Variants in PRSS3 observed in about 807,000 individuals in gnomAD.
PRSS3 encodes the protein trypsin-3.
A neutral mutation model predicts 20.8 loss-of-function variants in PRSS3; 14 were observed. That is an observed-to-expected ratio of 0.67 (90% CI 0.44 to 1.05). PRSS3 has a LOEUF of 1.05. Among genes scored for constraint, PRSS3 ranks in the 50% least tolerant of loss-of-function variants. The probability of loss-of-function intolerance (pLI) is 0.00; values close to 1 mark genes in which losing one functional copy is unlikely to be tolerated. For synonymous variants in PRSS3, 91 were observed against 117.6 expected, an observed-to-expected ratio of 0.77 and a Z score of 1.46; for missense variants, 237 against 306.4, an observed-to-expected ratio of 0.77 and a Z score of 1.69.
chr9:33,759,895 A>G (rs1276981045), intron 1 of PRSS3, among the ~76,000 whole-genome samples: 1 of 152,236 alleles, frequency 6.6e-6, no homozygotes, highest in African/African-American at 2.4e-5. Flanking sequence ...CCTGCTCACT[A>G]ATGTCAGTGC....
At chr9:33,771,919 T>C (rs1171778420) in intron 1 of PRSS3, among the ~76,000 whole-genome samples, 2 of 148,800 alleles carry the variant, frequency 1.3e-5, no homozygotes, top group African/African-American at 5.0e-5. Context: ...TCACCCAGGC[T>C]ATAGTGCAGT....
chr9:33,787,318 G>C (rs1259159975), intron 1 of PRSS3, among the ~76,000 whole-genome samples: 3 of 152,162 alleles, frequency 2.0e-5, no homozygotes, highest in African/African-American at 7.2e-5. Flanking sequence ...AAGCCCTCTA[G>C]ATGCCTCAGT....
chr9:33,786,755 C>T, intron 1 of PRSS3: 1 of 766,088 alleles, frequency 1.3e-6, no homozygotes, highest in Non-Finnish European at 2.4e-6. Flanking sequence ...CCGCCCAAAC[C>T]TAACATTCTC....
chr9:33,792,227 G>A (rs1401326011), upstream of PRSS3, among the ~76,000 whole-genome samples: 2 of 152,090 alleles, frequency 1.3e-5, no homozygotes, highest in African/African-American at 4.8e-5. Context: ...CGGGAAGACA[G>A]CCTAAAATCT....
chr9:33,762,698 A>G (rs1356679213), intron 1 of PRSS3, among the ~76,000 whole-genome samples: 1 of 152,204 alleles, frequency 6.6e-6, no homozygotes, highest in Non-Finnish European at 1.5e-5. Flanking sequence ...TCTCATTCCC[A>G]TTAAAAAGTT....
chr9:33,779,524 T>C (rs10117293), intron 1 of PRSS3, among the ~76,000 whole-genome samples: 8,541 of 152,142 alleles, frequency 0.056, 818 homozygotes, highest in African/African-American at 0.19. Flanking sequence ...AGCTTGAAGA[T>C]CAGTTCTTTG....
chr9:33,793,218 A>G (rs1667520430), upstream of PRSS3, among the ~76,000 whole-genome samples: 1 of 152,220 alleles, frequency 6.6e-6, no homozygotes. Flanking sequence ...ACTGATCCAA[A>G]AATCCCGTTC....
chr9:33,794,155 T>C (rs1334029177), upstream of PRSS3, among the ~76,000 whole-genome samples: 1 of 152,242 alleles, frequency 6.6e-6, no homozygotes, highest in East Asian at 1.9e-4. Flanking sequence ...TTCCTCCCTC[T>C]AGCCCCCTGG....
intron 2 of PRSS3, 40 bp downstream of exon 2, chr9:33,796,842 C>T: frequency 6.2e-7 from 1 of 1,613,800 alleles, no homozygotes; most frequent in Non-Finnish European, 8.5e-7. Context: ...CCCAGCCAGG[C>T]TGCCTGGGAG....
At chr9:33,755,816 G>C (rs934135296) in intron 1 of PRSS3, among the ~76,000 whole-genome samples, 15 of 152,160 alleles carry the variant, frequency 9.9e-5, no homozygotes, top group Admixed American at 2.0e-4. Flanking sequence ...GAGCTGTTGA[G>C]TGGGGAGGAA....
chr9:33,793,409 T>C (rs1168182480), upstream of PRSS3, among the ~76,000 whole-genome samples: 2 of 152,234 alleles, frequency 1.3e-5, no homozygotes, highest in Non-Finnish European at 2.9e-5. Context: ...AAACCCATAT[T>C]ATCAATGCTC....
chr9:33,760,423 T>C (rs1191864735), intron 1 of PRSS3, among the ~76,000 whole-genome samples: 1 of 152,078 alleles, frequency 6.6e-6, no homozygotes, highest in Non-Finnish European at 1.5e-5. Flanking sequence ...GGAAGAGCCA[T>C]GGAGAGTCCC....
chr9:33,763,620 A>G (rs59449572), intron 1 of PRSS3, among the ~76,000 whole-genome samples: 32,938 of 149,790 alleles, frequency 0.22, 3,742 homozygotes, highest in Middle Eastern at 0.24. Context: ...AATGGCGTGA[A>G]CCCGGGAGGC....
upstream of PRSS3, among the ~76,000 whole-genome samples, chr9:33,794,595 G>A (rs1407766665): frequency 6.6e-6 from 1 of 152,070 alleles, no homozygotes; most frequent in Non-Finnish European, 1.5e-5. Flanking sequence ...TTTACCATGT[G>A]CTAAAATCTC....
At chr9:33,768,009 C>G (rs1407207742) in intron 1 of PRSS3, among the ~76,000 whole-genome samples, 1 of 152,172 alleles carries the variant, frequency 6.6e-6, no homozygotes, top group Non-Finnish European at 1.5e-5. Context: ...GTTTAAGTCC[C>G]CCAGCCTGTG....
intron 1 of PRSS3, among the ~76,000 whole-genome samples, chr9:33,778,261 C>T (rs1202705153): frequency 6.6e-6 from 1 of 152,106 alleles, no homozygotes; most frequent in Non-Finnish European, 1.5e-5. Flanking sequence ...AAATATTAAA[C>T]GTCTTCCCAT....
At chr9:33,782,069 CT>C (rs1824206895) in intron 1 of PRSS3, among the ~76,000 whole-genome samples, 1 of 152,226 alleles carries the variant, frequency 6.6e-6, no homozygotes, top group African/African-American at 2.4e-5. Context: ...TAGAGGTCTT[CT>C]TCAGGTGCCT....
chr9:33,787,089 A>G (rs1381822381), intron 1 of PRSS3, among the ~76,000 whole-genome samples: 1 of 152,152 alleles, frequency 6.6e-6, no homozygotes, highest in Non-Finnish European at 1.5e-5. Flanking sequence ...CTGAGGGTAA[A>G]ATTTCTTCTA....
chr9:33,768,490 A>C (rs998304699), intron 1 of PRSS3, among the ~76,000 whole-genome samples: 6 of 151,806 alleles, frequency 4.0e-5, no homozygotes, highest in Non-Finnish European at 5.9e-5. Flanking sequence ...GGAAAAAAAA[A>C]AACAACAACA....
Sources: allele counts gnomAD v4.1 joint callset (sites outside exome capture counted in the v4.1 genomes callset), GRCh38; gene constraint gnomAD v4.1.1; transcripts MANE v1.5; gene names NCBI Gene and HGNC (gene_info 2026-07-23, HGNC 2026-07-21).